ARHGAP17: variants seen among roughly 807,000 people sequenced by gnomAD.
The protein encoded by ARHGAP17 is Rho GTPase activating protein 17.
In ARHGAP17, 57 loss-of-function variants were observed where a neutral mutation model predicts 99.5. The observed-to-expected ratio is 0.57, with a 90% CI of 0.46 to 0.71. ARHGAP17 has a LOEUF of 0.71. ARHGAP17 is among the 30% of genes least tolerant of loss of function. The pLI is 0.00. For missense variants in ARHGAP17, 1,000 were observed against 1,122.4 expected (o/e 0.89, Z 1.56); for synonymous variants, 417 against 429.6 (o/e 0.97, Z 0.36).
chr16:24,920,110 G>A lies in ARHGAP17; in HGVS notation c.*20C>T, dbSNP rs186845837. 5.9e-4 allele frequency: 954 copies of A among 1,609,908 alleles called. 3 individuals are homozygous for A. The African/African-American group carries it at 9.9e-3, about 17-fold the overall frequency. On this transcript the variant is annotated 3_prime_UTR_variant, in exon 20 of 20. Coordinates refer to ENST00000289968, the MANE Select transcript of ARHGAP17 (RefSeq NM_001006634.3). Reference sequence around the variant, plus strand: ...CACTCGCCAGGGTGGAAGTGGTGGAGGGCTGGGAAAGGGCTTTCTTCACAG... The same window carrying A: ...CACTCGCCAGGGTGGAAGTGGTGGAAGGCTGGGAAAGGGCTTTCTTCACAG...
At position 24,920,070 on chromosome 16, in the gene ARHGAP17, C is replaced by G; in HGVS notation, c.*60G>C. The G allele has an allele frequency of 3.1e-6, 5 of 1,588,296 alleles. No homozygotes were observed. The highest frequency in any genetic ancestry group is 4.3e-6 in the Non-Finnish European group (5 of 1,163,716). The stretch of plus-strand genomic sequence containing the variant: ...TGTTCGGTCTGCAAAGAAAGAGGTT[C>G]GCCTGCCCCTGCTCCACTCGCCAGG... On this transcript the variant is annotated 3_prime_UTR_variant, in exon 20 of 20. Transcript: ENST00000289968.
chr16:24,993,294 A>G (rs954514696), intron 1 of ARHGAP17, among the ~76,000 whole-genome samples: 3 of 152,158 alleles, frequency 2.0e-5, no homozygotes, highest in African/African-American at 7.2e-5. Context: ...TCCCATTAAA[A>G]GTAATGGGCA....
intron 19 of ARHGAP17, among the ~76,000 whole-genome samples, chr16:24,927,182 A>C (rs1312491756): frequency 6.6e-6 from 1 of 152,152 alleles, no homozygotes; most frequent in East Asian, 1.9e-4. Flanking sequence ...GAGGCAGGAG[A>C]ATTGCTTGAA....
chr16:24,959,787 C>T (rs187748403), intron 8 of ARHGAP17, 35 bp from the exon 9 acceptor site: 50 of 1,610,768 alleles, frequency 3.1e-5, no homozygotes, highest in Middle Eastern at 1.7e-4. Context: ...ACAAAAGTAA[C>T]GTTAGCATCG....
chr16:24,973,330 G>A (rs2052423634), intron 3 of ARHGAP17, among the ~76,000 whole-genome samples: 1 of 152,160 alleles, frequency 6.6e-6, no homozygotes, highest in Non-Finnish European at 1.5e-5. Context: ...TTCCCATGCA[G>A]GAAGCATGTT....
chr16:24,986,424 A>G (rs2052872963), intron 1 of ARHGAP17, among the ~76,000 whole-genome samples: 1 of 152,306 alleles, frequency 6.6e-6, no homozygotes, highest in Admixed American at 6.5e-5. Context: ...AATCTAGCTC[A>G]CCGCCCATTT....
At chr16:24,961,200 T>C (rs1253542936) in intron 7 of ARHGAP17, among the ~76,000 whole-genome samples, 3 of 151,258 alleles carry the variant, frequency 2.0e-5, no homozygotes, top group Non-Finnish European at 3.0e-5. Flanking sequence ...TATAAAAATA[T>C]GTCTTGACAA....
intron 1 of ARHGAP17, among the ~76,000 whole-genome samples, chr16:24,981,492 G>C (rs537182281): frequency 3.2e-4 from 49 of 152,172 alleles, no homozygotes; most frequent in African/African-American, 1.2e-3. Context: ...TCATTTATCA[G>C]AACAGAAAGT....
chr16:24,995,787 T>C (rs1231800767), intron 1 of ARHGAP17, among the ~76,000 whole-genome samples: 1 of 151,934 alleles, frequency 6.6e-6, no homozygotes, highest in Non-Finnish European at 1.5e-5. Context: ...AAAAAAAAAA[T>C]CTTCAGAAAG....
At chr16:24,947,303 C>A (rs576945257) in intron 14 of ARHGAP17, among the ~76,000 whole-genome samples, 179 bp downstream of exon 14, 2 of 152,212 alleles carry the variant, frequency 1.3e-5, no homozygotes, top group Non-Finnish European at 2.9e-5. Flanking sequence ...TGTGTCACCA[C>A]CAGCTGGGAC....
intron 18 of ARHGAP17, among the ~76,000 whole-genome samples, chr16:24,933,148 T>C (rs1011009473): frequency 6.6e-6 from 1 of 151,752 alleles, no homozygotes; most frequent in Non-Finnish European, 1.5e-5. Context: ...CTGAATGCTT[T>C]TTCCTCTTCC....
chr16:24,985,720 T>C (rs1394232798), intron 1 of ARHGAP17, among the ~76,000 whole-genome samples: 1 of 152,196 alleles, frequency 6.6e-6, no homozygotes, highest in Non-Finnish European at 1.5e-5. Context: ...CTGGACATGT[T>C]TCGGGAGGGC....
rs185529013 is a variant in ARHGAP17, at chr16:24,973,364, C to T, written c.199-2784G>A. Among the ~76,000 whole-genome samples, 21 of 152,248 alleles carry T rather than the reference C, an allele frequency of 1.4e-4. No individual in the cohort carries two copies. In the East Asian group the frequency reaches 2.3e-3, roughly 17 times the overall value. ...TTATGAGGCCTTTGGGAGGTTCCTC[C>T]TGTGTTTTCTAGAGCCCTGGAGACT... On this transcript the variant is annotated intron_variant, in intron 3 of 19. Transcript: ENST00000289968.
At chr16:24,920,371 C>T (rs977286304) in intron 19 of ARHGAP17, 111 bp from the exon 20 acceptor site, 22 of 1,357,042 alleles carry the variant, frequency 1.6e-5, no homozygotes, top group Non-Finnish European at 2.0e-5. Context: ...TCAGCCCATG[C>T]ACACAGGGTC....
At chr16:24,934,827 T>C (rs2051090348) in intron 18 of ARHGAP17, among the ~76,000 whole-genome samples, 1 of 152,134 alleles carries the variant, frequency 6.6e-6, no homozygotes, top group African/African-American at 2.4e-5. Flanking sequence ...GACAGAATGT[T>C]CTGGAAGCCC....
At chr16:24,977,138 ACAAC>A (rs2052543330) in intron 3 of ARHGAP17, 73 bp downstream of exon 3, 7 of 1,232,102 alleles carry the variant, frequency 5.7e-6, no homozygotes, top group Non-Finnish European at 7.5e-6. Flanking sequence ...GCCACTTAGG[ACAAC>A]CAACCAATCC....
intron 13 of ARHGAP17, 150 bp downstream of exon 13, chr16:24,949,254 G>A (rs960091590): frequency 2.4e-5 from 13 of 548,708 alleles, no homozygotes; most frequent in Non-Finnish European, 3.5e-5. Flanking sequence ...CCCATTCCCA[G>A]TAGCCCCAAG....
chr16:24,938,653 TC>T (rs2051210768), intron 17 of ARHGAP17, among the ~76,000 whole-genome samples: 1 of 151,404 alleles, frequency 6.6e-6, no homozygotes, highest in African/African-American at 2.4e-5. Context: ...GCACCTGTAA[TC>T]CCAGCTACTT....
chr16:24,981,925 CTT>C (rs1457795156), intron 1 of ARHGAP17, among the ~76,000 whole-genome samples: 2 of 151,990 alleles, frequency 1.3e-5, no homozygotes, highest in Admixed American at 6.5e-5. Context: ...GGACCCTCTG[CTT>C]TAGAGGTACT....
Sources: gnomAD v4.1 joint callset for allele counts (sites outside exome capture counted in the v4.1 genomes callset) on GRCh38, gnomAD v4.1.1 for gene constraint, MANE v1.5 for transcripts, NCBI Gene and HGNC (gene_info 2026-07-23, HGNC 2026-07-21) for gene names.